The following CDH18 variants were observed in gnomAD, a reference collection of about 807,000 sequenced individuals.
CDH18 encodes the protein cadherin-18.
In CDH18, 31 loss-of-function variants were observed where a neutral mutation model predicts 67.9. The observed-to-expected ratio is 0.46, with a 90% CI of 0.34 to 0.62. The LOEUF (loss-of-function observed/expected upper bound fraction) is 0.62, where lower values mean the gene tolerates loss of function less well. CDH18 is among the 20% of genes least tolerant of loss of function. CDH18 has a pLI of 0.01. For synonymous variants in CDH18, 362 were observed against 347.2 expected (o/e 1.04, Z -0.48); for missense variants, 890 against 975.5 (o/e 0.91, Z 1.17).
At chr5:20,321,761 C>A (rs1400642544) in intron 1 of CDH18, among the ~76,000 whole-genome samples, 1 of 151,942 alleles carries the variant, frequency 6.6e-6, no homozygotes, top group East Asian at 1.9e-4. Context: ...GTCCCCTGTA[C>A]ATCCAAAGAA....
chr5:19,799,034 A>G (rs972043807), intron 3 of CDH18, among the ~76,000 whole-genome samples: 4 of 152,094 alleles, frequency 2.6e-5, no homozygotes, highest in African/African-American at 9.7e-5. Context: ...AGGTATTACA[A>G]ATAATGCCAA....
chr5:20,457,890 A>G (rs1750955443), intron 1 of CDH18, among the ~76,000 whole-genome samples: 1 of 152,198 alleles, frequency 6.6e-6, no homozygotes, highest in Admixed American at 6.5e-5. Context: ...AAAAACAGGA[A>G]GCAATGCAAA....
chr5:19,924,289 T>A (rs899376985), intron 2 of CDH18, among the ~76,000 whole-genome samples: 1 of 151,846 alleles, frequency 6.6e-6, no homozygotes, highest in Non-Finnish European at 1.5e-5. Context: ...TGCCACTCTC[T>A]ATTTTTTTAA....
intron 3 of CDH18, among the ~76,000 whole-genome samples, chr5:19,777,945 G>C (rs980523760): frequency 6.6e-6 from 1 of 152,110 alleles, no homozygotes; most frequent in African/African-American, 2.4e-5. Flanking sequence ...AAGGCAATAA[G>C]AGAATAATAT....
chr5:19,945,720 T>A (rs6896880), intron 2 of CDH18, among the ~76,000 whole-genome samples: 16,729 of 152,052 alleles, frequency 0.11, 2,612 homozygotes, highest in African/African-American at 0.35. Flanking sequence ...ACACAGTAAC[T>A]ACTACAACAA....
chr5:20,068,154 T>G (rs190529397), intron 2 of CDH18, among the ~76,000 whole-genome samples: 1 of 152,094 alleles, frequency 6.6e-6, no homozygotes, highest in Non-Finnish European at 1.5e-5. Flanking sequence ...AAAGCTGCCA[T>G]GAAATTAAAG....
intron 1 of CDH18, among the ~76,000 whole-genome samples, chr5:20,280,470 C>T (rs1580655089): frequency 6.6e-6 from 1 of 152,170 alleles, no homozygotes; most frequent in East Asian, 1.9e-4. Context: ...TTGCTTTTTG[C>T]CCTTGCGATA....
chr5:20,073,663 C>T (rs1343664826), intron 2 of CDH18, among the ~76,000 whole-genome samples: 1 of 151,890 alleles, frequency 6.6e-6, no homozygotes, highest in Admixed American at 6.6e-5. Flanking sequence ...GTACTACTGG[C>T]ATTGTGTCTC....
chr5:20,234,834 C>A (rs1005443662), intron 2 of CDH18, among the ~76,000 whole-genome samples: 1 of 152,054 alleles, frequency 6.6e-6, no homozygotes, highest in Non-Finnish European at 1.5e-5. Context: ...GAAACACAGA[C>A]AGAAAGGTTC....
At chr5:20,166,742 A>G (rs955057687) in intron 2 of CDH18, among the ~76,000 whole-genome samples, 3 of 152,124 alleles carry the variant, frequency 2.0e-5, no homozygotes, top group African/African-American at 7.2e-5. Flanking sequence ...CTCTAAGGCT[A>G]GCTCCATCTG....
At chr5:19,846,638 A>G (rs536018421) in intron 2 of CDH18, among the ~76,000 whole-genome samples, 2 of 152,294 alleles carry the variant, frequency 1.3e-5, no homozygotes. Context: ...TGGGTTCCAC[A>G]TGACCAACTG....
At chr5:19,898,664 C>A (rs1409566149) in intron 2 of CDH18, among the ~76,000 whole-genome samples, 2 of 139,980 alleles carry the variant, frequency 1.4e-5, no homozygotes, top group African/African-American at 5.3e-5. Context: ...AATAAGAAAT[C>A]ATTACTAAGT....
At chr5:20,315,555 T>G (rs1393236341) in intron 1 of CDH18, among the ~76,000 whole-genome samples, 1 of 152,144 alleles carries the variant, frequency 6.6e-6, no homozygotes, top group Admixed American at 6.6e-5. Flanking sequence ...ATCTGCCTTC[T>G]GCATCCTTTT....
intron 2 of CDH18, among the ~76,000 whole-genome samples, chr5:20,049,040 G>A: frequency 6.6e-6 from 1 of 151,638 alleles, no homozygotes. Flanking sequence ...AAGTGTTTCT[G>A]AAAATCTGCT....
chr5:19,799,937 CA>C (rs1777279206), intron 3 of CDH18, among the ~76,000 whole-genome samples: 1 of 152,090 alleles, frequency 6.6e-6, no homozygotes, highest in East Asian at 1.9e-4. Context: ...AGATGGAGCA[CA>C]AGCTTTATAT....
At chr5:19,495,717 C>CAAAAAAAAAAAAAAAAA (rs749003068) in intron 11 of CDH18, among the ~76,000 whole-genome samples, 28 of 46,508 alleles carry the variant, frequency 6.0e-4, no homozygotes, top group Admixed American at 1.1e-3. Flanking sequence ...GAAACTGTCT[C>CAAAAAAAAAAAAAAAAA]AAAAAAAAAA....
chr5:19,940,045 G>A (rs1483735788), intron 2 of CDH18, among the ~76,000 whole-genome samples: 1 of 151,676 alleles, frequency 6.6e-6, no homozygotes, highest in Admixed American at 6.6e-5. Context: ...TTCAATATTT[G>A]CATCTACATG....
At chr5:20,449,811 G>T (rs954294909) in intron 1 of CDH18, among the ~76,000 whole-genome samples, 3 of 136,420 alleles carry the variant, frequency 2.2e-5, no homozygotes, top group African/African-American at 7.4e-5. Flanking sequence ...TATCTTTCAT[G>T]TTTGTCTACA....
chr5:20,471,833 T>TTAAAAAAAAAAAAAAAAAAAAA lies in CDH18; in HGVS notation c.-580+103628_-580+103629insTTTTTTTTTTTTTTTTTTTTTA, dbSNP rs757184101. Among the ~76,000 whole-genome samples, 19 of 51,488 alleles carry TTAAAAAAAAAAAAAAAAAAAAA rather than the reference T, an allele frequency of 3.7e-4. 1 individual carries two copies. The highest frequency in any genetic ancestry group is 1.2e-3 in the African/African-American group (18 of 15,492). The allele number at this position is 51,488 out of a possible 152,430, so 33.8% of individuals were successfully genotyped here. On this transcript the variant is annotated intron_variant, in intron 1 of 14. Coordinates refer to the CDH18 transcript ENST00000507958. ...CTGGGCAACAGATCGAGATTCAGTCTAAAAAAAAAAAAAAAAAAGCAAAAG... is the reference window on the plus strand; with the variant it reads ...CTGGGCAACAGATCGAGATTCAGTCTTAAAAAAAAAAAAAAAAAAAAAAAAAAAAAAAAAAAAAAAGCAAAAG...
Sources: allele counts gnomAD v4.1 joint callset (sites outside exome capture counted in the v4.1 genomes callset), GRCh38; gene constraint gnomAD v4.1.1; transcripts MANE v1.5; gene names NCBI Gene and HGNC (gene_info 2026-07-23, HGNC 2026-07-21).